The following MAGI2 variants were observed in gnomAD, a reference collection of about 807,000 sequenced individuals.
The protein encoded by MAGI2 is membrane-associated guanylate kinase, WW and PDZ domain-containing protein 2.
Under a neutral mutation model 133.3 loss-of-function variants are expected in MAGI2, and 35 were observed. That is an observed-to-expected ratio of 0.26 (90% CI 0.20 to 0.35). The LOEUF is 0.35. MAGI2 is among the 10% of genes least tolerant of loss of function. MAGI2 has a pLI of 1.00. For missense variants in MAGI2, 1,636 were observed against 1,863.4 expected (o/e 0.88, Z 2.25); for synonymous variants, 729 against 710.6 (o/e 1.03, Z -0.41).
intron 1 of MAGI2, among the ~76,000 whole-genome samples, chr7:79,170,224 C>T (rs114696294): frequency 0.062 from 7,967 of 129,036 alleles, 449 homozygotes; most frequent in East Asian, 0.18. Flanking sequence ...TCATAGCTCA[C>T]TGTAACCTTA....
chr7:79,113,110 CTT>C (rs1819073714), intron 1 of MAGI2, among the ~76,000 whole-genome samples: 1 of 152,164 alleles, frequency 6.6e-6, no homozygotes, highest in Admixed American at 6.5e-5. Flanking sequence ...GCTTCCAACA[CTT>C]TATCTTTTGT....
intron 3 of MAGI2, among the ~76,000 whole-genome samples, chr7:78,563,424 T>G (rs577824830): frequency 2.0e-5 from 3 of 152,286 alleles, no homozygotes; most frequent in African/African-American, 7.2e-5. Context: ...CCTCAAGCAC[T>G]TGGCCATTAG....
At chr7:78,123,886 C>A (rs990885283) in intron 20 of MAGI2, among the ~76,000 whole-genome samples, 2 of 152,168 alleles carry the variant, frequency 1.3e-5, no homozygotes, top group African/African-American at 4.8e-5. Flanking sequence ...ACATTTCTAC[C>A]AAGTTTCCAG....
chr7:79,305,043 A>G (rs529515678), intron 1 of MAGI2, among the ~76,000 whole-genome samples: 2 of 152,332 alleles, frequency 1.3e-5, no homozygotes, highest in East Asian at 3.9e-4. Context: ...GGAAATCAGC[A>G]TGGGAAAATA....
intron 2 of MAGI2, among the ~76,000 whole-genome samples, chr7:78,841,439 T>C (rs145156171): frequency 1.3e-5 from 2 of 152,114 alleles, no homozygotes; most frequent in East Asian, 3.9e-4. Flanking sequence ...TTTCTTTACA[T>C]CTTGCCTCTA....
At chr7:78,320,071 C>T (rs1212014079) in intron 9 of MAGI2, among the ~76,000 whole-genome samples, 1 of 152,094 alleles carries the variant, frequency 6.6e-6, no homozygotes. Flanking sequence ...CGAGTCTAAA[C>T]CAGGAAGAAT....
intron 1 of MAGI2, among the ~76,000 whole-genome samples, chr7:79,278,339 C>T (rs1279699543): frequency 6.6e-6 from 1 of 152,170 alleles, no homozygotes; most frequent in Non-Finnish European, 1.5e-5. Context: ...GCTTGCAGAG[C>T]TGTGAGCCAA....
chr7:78,651,400 T>C (rs542203577), intron 2 of MAGI2, among the ~76,000 whole-genome samples: 3 of 152,206 alleles, frequency 2.0e-5, no homozygotes, highest in Admixed American at 1.3e-4. Context: ...TCCTGATTCA[T>C]TGGATATTCA....
At chr7:78,616,489 T>C (rs890390308) in intron 3 of MAGI2, 1 of 152,162 alleles carries the variant, frequency 6.6e-6, no homozygotes, top group Non-Finnish European at 1.5e-5. Context: ...TGACCAAATG[T>C]ACTGTTTTGA....
intron 1 of MAGI2, among the ~76,000 whole-genome samples, chr7:79,452,652 A>G (rs2129209892): frequency 6.6e-6 from 1 of 151,184 alleles, no homozygotes; most frequent in South Asian, 2.1e-4. Context: ...CCTTCCTCCC[A>G]TTCTTTCTTT....
At chr7:78,349,444 C>T (rs1218184291) in intron 7 of MAGI2, among the ~76,000 whole-genome samples, 4 of 152,116 alleles carry the variant, frequency 2.6e-5, no homozygotes, top group East Asian at 1.9e-4. Flanking sequence ...AAATACATTA[C>T]AAAAACTTTC....
chr7:78,035,824 GTCCT>G (rs1810159467), intron 21 of MAGI2, among the ~76,000 whole-genome samples: 2 of 145,694 alleles, frequency 1.4e-5, no homozygotes, highest in Non-Finnish European at 3.0e-5. Context: ...TCCTTTTTAT[GTCCT>G]TCTTTCACAA....
intron 3 of MAGI2, chr7:78,617,470 T>G (rs929987914): frequency 6.6e-6 from 1 of 152,040 alleles, no homozygotes; most frequent in Non-Finnish European, 1.5e-5. Context: ...ATAACGGATC[T>G]AAGAGAACTA....
At chr7:79,174,479 G>A (rs1215098351) in intron 1 of MAGI2, among the ~76,000 whole-genome samples, 1 of 151,512 alleles carries the variant, frequency 6.6e-6, no homozygotes, top group Non-Finnish European at 1.5e-5. Flanking sequence ...TGACAAACTG[G>A]GGAAAAAAAT....
rs760565213 is a variant in MAGI2 at position 78,511,551 on chromosome 7, ATTTTT to A, written c.755-9769_755-9765del. Among the ~76,000 whole-genome samples the A allele has an allele frequency of 8.5e-4, 109 of 127,878 alleles. 1 individual carries two copies. The highest frequency in any genetic ancestry group is 3.0e-3 in the Admixed American group (38 of 12,770). 83.9% of individuals were successfully genotyped at this position (127,878 alleles called of 152,430 possible). A position where few individuals can be genotyped will look rare whatever the true frequency, so the allele number is the denominator to read the frequency against. Reference sequence around the variant, plus strand: ...CCATCTTTTATATATATATATATAAATTTTTTTTTTTTTTTTTTTGACACAGTGAA... The same window carrying A: ...CCATCTTTTATATATATATATATAAATTTTTTTTTTTTTTGACACAGTGAA... On this transcript the variant is annotated intron_variant, in intron 4 of 21. Transcript: ENST00000354212.
intron 3 of MAGI2, among the ~76,000 whole-genome samples, chr7:78,565,941 C>T (rs1800897568): frequency 6.6e-6 from 1 of 152,074 alleles, no homozygotes; most frequent in African/African-American, 2.4e-5. Flanking sequence ...ATTAAACCTC[C>T]CTGCCTCGGT....
At chr7:78,567,677 C>A (rs1324845894) in intron 3 of MAGI2, among the ~76,000 whole-genome samples, 1 of 152,128 alleles carries the variant, frequency 6.6e-6, no homozygotes, top group Non-Finnish European at 1.5e-5. Flanking sequence ...CTGCTCTTTC[C>A]CCTGCATCGC....
chr7:78,961,431 T>A (rs1266257138), intron 2 of MAGI2, among the ~76,000 whole-genome samples: 1 of 152,100 alleles, frequency 6.6e-6, no homozygotes, highest in Admixed American at 6.6e-5. Context: ...AAACATCTCC[T>A]TTGGCTCTTA....
At chr7:78,964,853 T>A (rs2115852504) in intron 2 of MAGI2, among the ~76,000 whole-genome samples, 1 of 152,150 alleles carries the variant, frequency 6.6e-6, no homozygotes, top group African/African-American at 2.4e-5. Flanking sequence ...TTTTTCTTTT[T>A]AAAATATTCT....
Sources: allele counts gnomAD v4.1 joint callset (sites outside exome capture counted in the v4.1 genomes callset), GRCh38; gene constraint gnomAD v4.1.1; transcripts MANE v1.5; gene names NCBI Gene and HGNC (gene_info 2026-07-23, HGNC 2026-07-21).